Variants in GOLGA3 observed in about 807,000 individuals in gnomAD.
GOLGA3 encodes the protein golgin subfamily A member 3.
Under a neutral mutation model 169.4 loss-of-function variants are expected in GOLGA3, and 75 were observed. That is an observed-to-expected ratio of 0.44 (90% CI 0.37 to 0.54). GOLGA3 has a LOEUF of 0.54. Ranked by LOEUF, GOLGA3 falls within the 20% of genes least tolerant of loss-of-function variation. GOLGA3 has a pLI of 0.00. For synonymous variants in GOLGA3, 824 were observed against 822.4 expected, an observed-to-expected ratio of 1.00 and a Z score of -0.03; for missense variants, 1,899 against 1,930.0, an observed-to-expected ratio of 0.98 and a Z score of 0.30.
chr12:132,781,027 T>C (rs763433749), intron 17 of GOLGA3, 113 bp from the exon 18 acceptor site: 1 of 746,110 alleles, frequency 1.3e-6, no homozygotes, highest in Non-Finnish European at 2.3e-6. Flanking sequence ...GCCAGGGAGG[T>C]AGAGGGAACT....
intron 11 of GOLGA3, among the ~76,000 whole-genome samples, chr12:132,792,567 G>A (rs971714535): frequency 4.6e-5 from 7 of 150,736 alleles, no homozygotes; most frequent in African/African-American, 9.8e-5. Context: ...CAGACCCACC[G>A]CACAGGACCT....
chr12:132,780,836 C>T lies in GOLGA3; in HGVS notation c.3544G>A (p.Glu1182Lys), dbSNP rs138371674. 1.4e-3 allele frequency: 2,279 copies of T among 1,612,112 alleles called. 3 individuals are homozygous for T. The highest frequency in any genetic ancestry group is 1.4e-3 in the South Asian group (130 of 91,084). ...CTGTTCACCTTCTCCTTCTCCTTCT[C>T]TAGTGAGGCCTGCAGGGCCTGGACA... is the stretch of plus-strand genomic sequence containing the variant. ...HLVQALQASL[E>K]KEKEKVNSLK... is the part of the protein sequence containing the mutation. The change falls in exon 18 of 24, where the codon GAG becomes AAG. Residue 1182 changes from glutamate to lysine, a missense_variant. By Grantham distance (56) the Glu-to-Lys change is moderately conservative (BLOSUM62 1). Transcript: ENST00000450791.
intron 4 of GOLGA3, among the ~76,000 whole-genome samples, chr12:132,812,859 G>C (rs1949784003): frequency 6.6e-6 from 1 of 152,228 alleles, no homozygotes; most frequent in Admixed American, 6.5e-5. Flanking sequence ...CATCAAACTT[G>C]AGGCAAGATG....
chr12:132,801,141 G>A (rs545943926), intron 8 of GOLGA3, among the ~76,000 whole-genome samples: 25 of 152,350 alleles, frequency 1.6e-4, no homozygotes, highest in African/African-American at 3.6e-4. Flanking sequence ...AGGCCTGGAC[G>A]GACACACACT....
At chr12:132,823,461 T>C (rs1950294734) in intron 1 of GOLGA3, among the ~76,000 whole-genome samples, 1 of 152,238 alleles carries the variant, frequency 6.6e-6, no homozygotes, top group Non-Finnish European at 1.5e-5. Flanking sequence ...CGCCTCTAGC[T>C]TACAAATCCC....
chr12:132,769,191 G>C lies in GOLGA3; in HGVS notation c.*3914C>G, dbSNP rs3741482. 1.3e-5 allele frequency: 2 copies of C among 152,326 alleles called. No individual in the cohort carries two copies. The highest frequency in any genetic ancestry group is 4.8e-5 in the African/African-American group (2 of 41,574). 9.4% of individuals were successfully genotyped at this position (152,326 alleles called of 1,614,324 possible). On this transcript the variant is annotated 3_prime_UTR_variant, in exon 24 of 24. Coordinates refer to ENST00000450791, the MANE Select transcript of GOLGA3 (RefSeq NM_001389683.1). ...ATGACGAGATTCACCTGGACCTTCC[G>C]GTCAGTGAGCTCAGAACACCTCACA...
At position 132,770,784 on chromosome 12, in the gene GOLGA3, A is replaced by G. The variant is rs1271105766; in HGVS notation, c.*2321T>C. On this transcript the variant is annotated 3_prime_UTR_variant, in exon 24 of 24. Transcript: ENST00000450791. ...CAAGTAGCTGGGATTATAGGTGCGC[A>G]CTACGACACCCGGCTAATTTTTGTA... The G allele has an allele frequency of 6.6e-6, 1 of 152,170 alleles. No homozygotes were observed. Among genetic ancestry groups the G allele is most frequent in the African/African-American group, 2.4e-5 (1 of 41,438 alleles). The allele number at this position is 152,170 out of a possible 1,614,324, so 9.4% of individuals were successfully genotyped here. A position where few individuals can be genotyped will look rare whatever the true frequency, so the allele number is the denominator to read the frequency against.
chr12:132,794,627 A>C (rs72624272), intron 11 of GOLGA3, among the ~76,000 whole-genome samples: 50,894 of 152,146 alleles, frequency 0.33, 9,747 homozygotes, highest in Non-Finnish European at 0.44. Context: ...GAAATAACAT[A>C]TAGCTCCACA....
At chr12:132,819,080 A>C (rs1950105292) in intron 2 of GOLGA3, among the ~76,000 whole-genome samples, 1 of 149,672 alleles carries the variant, frequency 6.7e-6, no homozygotes, top group Non-Finnish European at 1.5e-5. Context: ...GAACCAAGAC[A>C]TGTGAGGGGG....
chr12:132,795,810 G>A (rs1207276021), intron 11 of GOLGA3, 42 bp downstream of exon 11: 6 of 1,570,644 alleles, frequency 3.8e-6, no homozygotes, highest in Non-Finnish European at 5.2e-6. Context: ...ATTCCTGCAA[G>A]GAGGGTTCTG....
chr12:132,798,468 T>C lies in GOLGA3; in HGVS notation c.1810A>G (p.Met604Val), dbSNP rs1274027634. 1.9e-6 allele frequency: 3 copies of C among 1,607,840 alleles called. No individual in the cohort carries two copies. The highest frequency in any genetic ancestry group is 2.2e-5 in the East Asian group (1 of 44,806). Residue 604 changes from methionine to valine, a missense_variant, in exon 9 of 24, where the codon ATG becomes GTG. Transcript: ENST00000450791. ...GEMAHIQVGQ[M>V]TQAGLLEHLK... Reference sequence around the variant, plus strand: ...TGCTCCAGGAGACCTGCCTGGGTCATCTGTCCAACCTTAAAAAAAAAACCC... The same window carrying C: ...TGCTCCAGGAGACCTGCCTGGGTCACCTGTCCAACCTTAAAAAAAAAACCC...
At chr12:132,808,583 T>TA (rs1234041121) in intron 4 of GOLGA3, 34 bp from the exon 5 acceptor site, 3 of 1,512,276 alleles carry the variant, frequency 2.0e-6, no homozygotes. Context: ...AAATTACATT[T>TA]AAAATCCACA....
rs999385132 is a variant in GOLGA3 at position 132,825,202 on chromosome 12, C to T, written c.-183-2891G>A. Among the ~76,000 whole-genome samples the T allele has an allele frequency of 5.3e-5, 8 of 152,106 alleles. No individual in the cohort carries two copies. The East Asian group carries it at 1.4e-3, about 26-fold the overall frequency. On this transcript the variant is annotated intron_variant, in intron 1 of 23. Transcript: ENST00000450791. ...ATGGAACCGACCGTGTGTGCCTACG[C>T]GTGCAGACCCTCCTGGCCCCTCAGG...
intron 18 of GOLGA3, among the ~76,000 whole-genome samples, chr12:132,780,326 C>T (rs971933838): frequency 6.6e-6 from 1 of 152,198 alleles, no homozygotes; most frequent in Non-Finnish European, 1.5e-5. Context: ...GGAGCAGGGC[C>T]CAGACAGGGC....
Position 132,777,659 on chromosome 12 carries a change from CA to C in GOLGA3, c.3722+6del, listed in dbSNP as rs1178814283. ...TGTTTGAGGGCTGGCGGGGCCCAGGCACTCACTGAAGGTCGTCGGCCTCGGC... is the reference window on the plus strand; with the variant it reads ...TGTTTGAGGGCTGGCGGGGCCCAGGCCTCACTGAAGGTCGTCGGCCTCGGC... On this transcript the variant is annotated splice_donor_region_variant and intron_variant, in intron 19 of 23. Coordinates refer to ENST00000450791, the MANE Select transcript of GOLGA3 (RefSeq NM_001389683.1). This position sits in a 1 kb window ranked among gnomAD's most constrained non-coding sequence, Gnocchi z 4.7. The C allele has an allele frequency of 6.2e-7, 1 of 1,613,744 alleles. No individual in the cohort carries two copies. The highest frequency in any genetic ancestry group is 1.3e-5 in the African/African-American group (1 of 75,062).
At chr12:132,807,145 G>C in intron 6 of GOLGA3, 32 bp downstream of exon 6, 1 of 1,336,426 alleles carries the variant, frequency 7.5e-7, no homozygotes. Context: ...CGACTTCGCC[G>C]CACGCTGAGA....
At position 132,771,548 on chromosome 12, in the gene GOLGA3, G is replaced by A. The variant is rs2044896758; in HGVS notation, c.*1557C>T. Reference sequence around the variant, plus strand: ...CACATGTCGTGCTGATTTTAAATAAGGCATCTGTCTCTGAGACACCTGGGA... The same window carrying A: ...CACATGTCGTGCTGATTTTAAATAAAGCATCTGTCTCTGAGACACCTGGGA... On this transcript the variant is annotated 3_prime_UTR_variant, in exon 24 of 24. Coordinates refer to ENST00000450791, the MANE Select transcript of GOLGA3 (RefSeq NM_001389683.1). 6.6e-6 allele frequency: 1 copy of A among 152,146 alleles called. No individual in the cohort carries two copies. The highest frequency in any genetic ancestry group is 2.4e-5 in the African/African-American group (1 of 41,410). 9.4% of individuals were successfully genotyped at this position (152,146 alleles called of 1,614,324 possible).
At chr12:132,796,265 C>A (rs769042003) in intron 10 of GOLGA3, 45 bp from the exon 11 acceptor site, 2 of 1,541,662 alleles carry the variant, frequency 1.3e-6, no homozygotes, top group South Asian at 2.4e-5. Context: ...GACCCTCCTC[C>A]GAGAGCGTAT....
intron 8 of GOLGA3, among the ~76,000 whole-genome samples, 177 bp from the exon 9 acceptor site, chr12:132,798,654 T>TGCGTGCCTGAGTGGGAGG (rs1312852199): frequency 7.5e-6 from 1 of 133,144 alleles, no homozygotes; most frequent in African/African-American, 2.7e-5. Flanking sequence ...GTCTGGGCTC[T>TGCGTGCCTGAGTGGGAGG]GCGTGCCTGA....
Sources: allele counts gnomAD v4.1 joint callset (sites outside exome capture counted in the v4.1 genomes callset), GRCh38; gene constraint gnomAD v4.1.1; non-coding constraint Gnocchi (gnomAD v3.1); transcripts MANE v1.5; gene names NCBI Gene and HGNC (gene_info 2026-07-23, HGNC 2026-07-21).